Variants in PARD3B observed in about 807,000 individuals in gnomAD.
The protein encoded by PARD3B is par-3 family cell polarity regulator beta, also known as partitioning defective 3 homolog B.
A neutral mutation model predicts 130.2 loss-of-function variants in PARD3B; 103 were observed. The observed-to-expected ratio is 0.79, with a 90% CI of 0.67 to 0.93. PARD3B has a LOEUF of 0.93. Ranked by LOEUF, PARD3B falls within the 40% of genes least tolerant of loss-of-function variation. The pLI is 0.00. For missense variants in PARD3B, 1,609 were observed against 1,499.2 expected, an observed-to-expected ratio of 1.07 and a Z score of -1.21; for synonymous variants, 583 against 553.2, an observed-to-expected ratio of 1.05 and a Z score of -0.76.
chr2:205,485,975 T>G (rs1250869210), intron 20 of PARD3B, among the ~76,000 whole-genome samples: 2 of 152,184 alleles, frequency 1.3e-5, no homozygotes, highest in African/African-American at 2.4e-5. Flanking sequence ...TTTATTTATA[T>G]CTGTGTCTCC....
intron 18 of PARD3B, among the ~76,000 whole-genome samples, chr2:205,358,150 A>G (rs2044262572): frequency 6.7e-6 from 1 of 149,674 alleles, no homozygotes; most frequent in Non-Finnish European, 1.5e-5. Flanking sequence ...GTATTCATCC[A>G]GCAACTTGAA....
chr2:204,850,729 A>C (rs1435758337), intron 2 of PARD3B, among the ~76,000 whole-genome samples: 1 of 152,168 alleles, frequency 6.6e-6, no homozygotes, highest in Non-Finnish European at 1.5e-5. Context: ...GCACTGACCA[A>C]ATGCTGAAAC....
At chr2:204,910,633 T>G (rs747131962) in intron 2 of PARD3B, among the ~76,000 whole-genome samples, 2 of 152,120 alleles carry the variant, frequency 1.3e-5, no homozygotes, top group Admixed American at 1.3e-4. Flanking sequence ...TTACTGTTTT[T>G]TTTGTTTGTT....
At chr2:205,170,150 G>A (rs1005819899) in intron 11 of PARD3B, among the ~76,000 whole-genome samples, 2 of 152,028 alleles carry the variant, frequency 1.3e-5, no homozygotes, top group Non-Finnish European at 2.9e-5. Flanking sequence ...GACTGGTCTC[G>A]AACTCCTGAC....
chr2:205,571,758 G>T (rs2053568599), intron 22 of PARD3B, among the ~76,000 whole-genome samples: 1 of 152,132 alleles, frequency 6.6e-6, no homozygotes, highest in Non-Finnish European at 1.5e-5. Flanking sequence ...GGCCTTATTG[G>T]CTATTAAATA....
At chr2:205,004,910 C>T (rs1462235739) in intron 3 of PARD3B, among the ~76,000 whole-genome samples, 1 of 152,110 alleles carries the variant, frequency 6.6e-6, no homozygotes, top group Non-Finnish European at 1.5e-5. Context: ...CTCTGCTGTC[C>T]TCCTCTCTCA....
At chr2:205,170,253 C>T (rs918101898) in intron 11 of PARD3B, among the ~76,000 whole-genome samples, 7 of 152,110 alleles carry the variant, frequency 4.6e-5, no homozygotes, top group Non-Finnish European at 8.8e-5. Flanking sequence ...TTCATGTAGC[C>T]TTATGCTTTT....
intron 1 of PARD3B, among the ~76,000 whole-genome samples, chr2:204,671,852 A>G (rs17534745): frequency 0.039 from 5,881 of 152,306 alleles, 175 homozygotes; most frequent in Middle Eastern, 0.068. Flanking sequence ...TTGGGGTTAT[A>G]TTAATATGTA....
chr2:204,965,248 G>A lies in PARD3B; in HGVS notation c.319G>A (p.Glu107Lys). The A allele has an allele frequency of 6.2e-7, 1 of 1,613,930 alleles. No homozygotes were observed. The highest frequency in any genetic ancestry group is 8.5e-7 in the Non-Finnish European group (1 of 1,179,906). The change falls in exon 3 of 23, where the codon GAA becomes AAA. Residue 107 changes from glutamate to lysine, a missense_variant. By Grantham distance (56) the Glu-to-Lys change is moderately conservative. Coordinates refer to ENST00000406610, the MANE Select transcript of PARD3B (RefSeq NM_001302769.2). ...GCAGAGCCCAGATGCTTTTGAGACAGAAGTGGCCGCCCAACTGGCCGCATT... is the reference window on the plus strand; with the variant it reads ...GCAGAGCCCAGATGCTTTTGAGACAAAAGTGGCCGCCCAACTGGCCGCATT... ...DRQSPDAFET[E>K]VAAQLAAFKP...
chr2:205,089,301 G>A (rs376042205), intron 4 of PARD3B, among the ~76,000 whole-genome samples: 24 of 152,102 alleles, frequency 1.6e-4, no homozygotes, highest in African/African-American at 5.1e-4. Flanking sequence ...CTCCTGAGTA[G>A]CTGGGATTAC....
intron 4 of PARD3B, among the ~76,000 whole-genome samples, chr2:205,067,578 A>G (rs913273859): frequency 1.1e-4 from 16 of 152,280 alleles, no homozygotes; most frequent in African/African-American, 3.8e-4. Context: ...AAATTTCTAA[A>G]ATGAATTACA....
chr2:205,189,988 G>A (rs1035094650), intron 14 of PARD3B, among the ~76,000 whole-genome samples: 50 of 152,146 alleles, frequency 3.3e-4, no homozygotes, highest in African/African-American at 1.2e-3. Context: ...TCAATTTAAA[G>A]GACATAATCA....
chr2:205,414,915 A>G (rs981934324), intron 19 of PARD3B, among the ~76,000 whole-genome samples: 2 of 152,122 alleles, frequency 1.3e-5, no homozygotes, highest in South Asian at 2.1e-4. Context: ...ATGAGCATCA[A>G]AGGATATTTT....
chr2:204,836,152 G>C, intron 2 of PARD3B, among the ~76,000 whole-genome samples: 1 of 152,180 alleles, frequency 6.6e-6, no homozygotes, highest in East Asian at 1.9e-4. Context: ...CATAAAAATA[G>C]TCTCAGGCTT....
intron 2 of PARD3B, among the ~76,000 whole-genome samples, chr2:204,834,124 C>G (rs1306762737): frequency 6.6e-6 from 1 of 152,192 alleles, no homozygotes; most frequent in Non-Finnish European, 1.5e-5. Context: ...ACCTTTCCAA[C>G]TAAACCAGCT....
chr2:205,389,641 G>A (rs1406779026), intron 18 of PARD3B, among the ~76,000 whole-genome samples: 2 of 152,198 alleles, frequency 1.3e-5, no homozygotes, highest in Non-Finnish European at 2.9e-5. Context: ...ACTGCGCCCG[G>A]CCTGTTATTT....
At chr2:204,821,444 G>A (rs577662259) in intron 2 of PARD3B, among the ~76,000 whole-genome samples, 2 of 150,996 alleles carry the variant, frequency 1.3e-5, no homozygotes, top group South Asian at 2.1e-4. Context: ...GTAAACTATA[G>A]CAAGAACAAA....
At chr2:204,793,312 A>G (rs560132559) in intron 2 of PARD3B, among the ~76,000 whole-genome samples, 2 of 152,212 alleles carry the variant, frequency 1.3e-5, no homozygotes, top group African/African-American at 4.8e-5. Flanking sequence ...TTTGACTTTT[A>G]AAGAGTCTCA....
intron 20 of PARD3B, among the ~76,000 whole-genome samples, chr2:205,478,552 G>A (rs561257871): frequency 7.2e-5 from 11 of 152,238 alleles, no homozygotes; most frequent in Non-Finnish European, 1.3e-4. Context: ...CGATTTTACC[G>A]TATGTGGAAT....
Sources: gnomAD v4.1 joint callset for allele counts (sites outside exome capture counted in the v4.1 genomes callset) on GRCh38, gnomAD v4.1.1 for gene constraint, MANE v1.5 for transcripts, NCBI Gene and HGNC (gene_info 2026-07-23, HGNC 2026-07-21) for gene names.